Variants in MAP4K5 observed in about 807,000 individuals in gnomAD.
MAP4K5 encodes MAPK/ERK kinase kinase kinase 5.
In MAP4K5, 82 loss-of-function variants were observed where a neutral mutation model predicts 135.6. The observed-to-expected ratio is 0.60, with a 90% CI of 0.51 to 0.73. The LOEUF (loss-of-function observed/expected upper bound fraction) is 0.73. MAP4K5 is among the 30% of genes least tolerant of loss of function. The pLI, the probability that MAP4K5 is intolerant of heterozygous loss-of-function variation, is 0.00. For synonymous variants in MAP4K5, 347 were observed against 335.0 expected, an observed-to-expected ratio of 1.04 and a Z score of -0.39; for missense variants, 907 against 1,010.9, an observed-to-expected ratio of 0.90 and a Z score of 1.39.
rs779292538 is a variant in MAP4K5, at chr14:50,476,124, A to G, written c.469+4T>C. 2.1e-6 allele frequency: 3 copies of G among 1,461,398 alleles called. No homozygotes were observed. The highest frequency in any genetic ancestry group is 2.9e-5 in the South Asian group (2 of 68,522). The allele number at this position is 1,461,398 out of a possible 1,614,324, so 90.5% of individuals were successfully genotyped here. A position where few individuals can be genotyped will look rare whatever the true frequency, so the allele number is the denominator to read the frequency against. On this transcript the variant is annotated splice_donor_region_variant and intron_variant, in intron 8 of 32. Transcript: ENST00000682126. ...AAAAATTTTAGGAATTTGAAATAAC[A>G]TACCTAATTTTACATCGCCATGGTC...
intron 2 of MAP4K5, among the ~76,000 whole-genome samples, chr14:50,509,668 G>A (rs1303404661): frequency 1.4e-5 from 2 of 141,922 alleles, no homozygotes; most frequent in African/African-American, 2.5e-5. Context: ...CTAAAGAACT[G>A]GAATTAAAAA....
chr14:50,534,810 GGTTGA>G (rs2038472435), upstream of MAP4K5, among the ~76,000 whole-genome samples: 1 of 152,168 alleles, frequency 6.6e-6, no homozygotes, highest in Non-Finnish European at 1.5e-5. Context: ...TTAAAATACT[GGTTGA>G]GTTAATTTTA....
intron 2 of MAP4K5, among the ~76,000 whole-genome samples, chr14:50,523,110 G>A (rs1417611326): frequency 6.6e-6 from 1 of 152,068 alleles, no homozygotes; most frequent in Admixed American, 6.5e-5. Context: ...TCGGGAGTTC[G>A]AGACCAGCCT....
intron 6 of MAP4K5, among the ~76,000 whole-genome samples, chr14:50,477,913 GT>G (rs1201521744): frequency 6.6e-6 from 1 of 152,086 alleles, no homozygotes; most frequent in East Asian, 1.9e-4. Flanking sequence ...TTAGCCTGTA[GT>G]TTTGTTCTCT....
intron 14 of MAP4K5, among the ~76,000 whole-genome samples, chr14:50,450,847 C>G (rs1286370423): frequency 2.0e-5 from 3 of 152,062 alleles, no homozygotes; most frequent in African/African-American, 7.2e-5. Context: ...GGATAAAATC[C>G]AGATGCTCAA....
chr14:50,430,512 A>T (rs1172798974), intron 28 of MAP4K5, among the ~76,000 whole-genome samples: 1 of 152,198 alleles, frequency 6.6e-6, no homozygotes, highest in Non-Finnish European at 1.5e-5. Flanking sequence ...GGCAGAAAAG[A>T]GGATTGCCAA....
At chr14:50,537,334 T>C (rs541744185), upstream of MAP4K5, among the ~76,000 whole-genome samples, 1 of 152,318 alleles carries the variant, frequency 6.6e-6, no homozygotes, top group East Asian at 1.9e-4. Flanking sequence ...AGATTTCAGA[T>C]GATGTATGGA....
At chr14:50,421,414 A>C (rs1298761116) in intron 32 of MAP4K5, among the ~76,000 whole-genome samples, 1 of 151,758 alleles carries the variant, frequency 6.6e-6, no homozygotes. Flanking sequence ...ATGCACCATC[A>C]AGCCCAGCTT....
At chr14:50,447,915 A>G (rs151199431) in intron 15 of MAP4K5, among the ~76,000 whole-genome samples, 48 of 152,368 alleles carry the variant, frequency 3.2e-4, no homozygotes, top group African/African-American at 1.1e-3. Context: ...ATTTACAGTA[A>G]GAAGAGCACT....
intron 2 of MAP4K5, among the ~76,000 whole-genome samples, chr14:50,506,535 T>C (rs2037813612): frequency 6.6e-6 from 1 of 152,162 alleles, no homozygotes; most frequent in African/African-American, 2.4e-5. Context: ...ACTGTTGTAC[T>C]TTTTGTAGAG....
intron 16 of MAP4K5, among the ~76,000 whole-genome samples, chr14:50,447,031 G>A (rs181272954): frequency 2.0e-5 from 3 of 152,206 alleles, no homozygotes; most frequent in Admixed American, 2.0e-4. Context: ...TTTCTAAAGA[G>A]CTCTGTAGGC....
chr14:50,443,139 A>G (rs1371357104), intron 20 of MAP4K5, among the ~76,000 whole-genome samples: 5 of 152,194 alleles, frequency 3.3e-5, no homozygotes, highest in African/African-American at 1.2e-4. Flanking sequence ...ACAATGGATA[A>G]TTTTATTCAG....
intron 9 of MAP4K5, chr14:50,471,676 T>C (rs1484926381): frequency 6.6e-6 from 1 of 152,178 alleles, no homozygotes; most frequent in Non-Finnish European, 1.5e-5. Context: ...ATGTAGGGAA[T>C]ATGCGAAAGA....
chr14:50,503,442 CT>C (rs1566682499), intron 3 of MAP4K5, among the ~76,000 whole-genome samples: 1 of 152,026 alleles, frequency 6.6e-6, no homozygotes, highest in East Asian at 1.9e-4. Flanking sequence ...TCAAAAGAGT[CT>C]TATGATCCTT....
chr14:50,469,587 A>G (rs970715963), intron 9 of MAP4K5, among the ~76,000 whole-genome samples: 14 of 152,200 alleles, frequency 9.2e-5, no homozygotes, highest in Admixed American at 7.9e-4. Flanking sequence ...AGTCAGGCAG[A>G]TATGTTAGAG....
intron 1 of MAP4K5, among the ~76,000 whole-genome samples, chr14:50,557,275 C>T (rs2038776017): frequency 6.6e-6 from 1 of 152,146 alleles, no homozygotes; most frequent in Non-Finnish European, 1.5e-5. Context: ...AATATCAGTC[C>T]CCTTAATCCC....
rs139741421 is a variant in MAP4K5 at position 50,528,821 on chromosome 14, T to C, written c.108+3121A>G. On this transcript the variant is annotated intron_variant, in intron 2 of 32. Transcript: ENST00000682126. ...TTATATCCTACATTGAAAATACTTC[T>C]AAAACGTCCTAGGATGTTCAGCTCA... Among the ~76,000 whole-genome samples the C allele has an allele frequency of 1.6e-4, 25 of 152,302 alleles. No individual in the cohort carries two copies. The East Asian group carries it at 4.8e-3, about 29-fold the overall frequency.
intron 2 of MAP4K5, among the ~76,000 whole-genome samples, 158 bp downstream of exon 2, chr14:50,531,784 G>A (rs966658286): frequency 2.6e-5 from 4 of 152,160 alleles, no homozygotes; most frequent in Non-Finnish European, 5.9e-5. Context: ...GCCATGAGTC[G>A]AGGGTGCTCA....
In MAP4K5 at chr14:50,418,773, C is replaced by T. The variant is rs1462241701; in HGVS notation, c.*1246G>A. On this transcript the variant is annotated 3_prime_UTR_variant, in exon 33 of 33. Coordinates refer to ENST00000682126, the MANE Select transcript of MAP4K5 (RefSeq NM_006575.6). ...AAAATAATTATAGAGTTTGCTATTG[C>T]TAACCCCTTGTTCATCATCTCAATG... The T allele has an allele frequency of 2.6e-5, 4 of 152,176 alleles. No homozygotes were observed. The highest frequency in any genetic ancestry group is 5.9e-5 in the Non-Finnish European group (4 of 68,008). 9.4% of individuals were successfully genotyped at this position (152,176 alleles called of 1,614,324 possible).
Sources: gnomAD v4.1 joint callset for allele counts (sites outside exome capture counted in the v4.1 genomes callset) on GRCh38, gnomAD v4.1.1 for gene constraint, MANE v1.5 for transcripts, NCBI Gene and HGNC (gene_info 2026-07-23, HGNC 2026-07-21) for gene names.